The following AFAP1 variants were observed in gnomAD, a reference collection of about 807,000 sequenced individuals.
The protein encoded by AFAP1 is actin filament-associated protein 1.
A neutral mutation model predicts 93.9 loss-of-function variants in AFAP1; 75 were observed. That is an observed-to-expected ratio of 0.80 (90% CI 0.66 to 0.97). AFAP1 has a LOEUF of 0.97. Among genes scored for constraint, AFAP1 ranks in the 50% least tolerant of loss-of-function variants. The pLI is 0.00. For missense variants in AFAP1, 1,201 were observed against 1,050.8 expected (o/e 1.14, Z -1.98); for synonymous variants, 517 against 430.7 (o/e 1.20, Z -2.48).
chr4:7,854,883 C>A (rs138900600), intron 4 of AFAP1, among the ~76,000 whole-genome samples: 1 of 152,166 alleles, frequency 6.6e-6, no homozygotes, highest in African/African-American at 2.4e-5. Context: ...ATGCTTCATC[C>A]GCACTTGAAG....
At chr4:7,838,867 G>C (rs1291139052) in intron 5 of AFAP1, among the ~76,000 whole-genome samples, 164 bp from the exon 6 acceptor site, 2 of 151,160 alleles carry the variant, frequency 1.3e-5, no homozygotes, top group Non-Finnish European at 2.9e-5. Context: ...CATACACACA[G>C]TGCTCTTCAC....
chr4:7,785,785 C>T (rs1458715453), intron 12 of AFAP1, among the ~76,000 whole-genome samples: 2 of 151,962 alleles, frequency 1.3e-5, no homozygotes, highest in African/African-American at 2.4e-5. Context: ...AAAAATAAAA[C>T]AAATGAGTGG....
chr4:7,834,124 C>T (rs1304604907), intron 6 of AFAP1, among the ~76,000 whole-genome samples: 1 of 137,030 alleles, frequency 7.3e-6, no homozygotes, highest in Non-Finnish European at 1.5e-5. Flanking sequence ...CACACACACA[C>T]ACACATATAT....
At chr4:7,910,908 A>G (rs1044953235) in intron 1 of AFAP1, among the ~76,000 whole-genome samples, 1 of 152,182 alleles carries the variant, frequency 6.6e-6, no homozygotes, top group African/African-American at 2.4e-5. Flanking sequence ...TGGGCCCTCC[A>G]TGCCACTCTC....
chr4:7,818,477 CAGA>C (rs1344556047), intron 7 of AFAP1, among the ~76,000 whole-genome samples: 1 of 152,156 alleles, frequency 6.6e-6, no homozygotes. Context: ...AAGCTGCCAA[CAGA>C]AGGTTTCATG....
At chr4:7,798,871 G>C in intron 10 of AFAP1, 1 of 989,496 alleles carries the variant, frequency 1.0e-6, no homozygotes, top group African/African-American at 1.7e-5. Context: ...CACTTGCCCA[G>C]CATCTCCCTC....
At chr4:7,926,927 G>A (rs1253568513) in intron 1 of AFAP1, among the ~76,000 whole-genome samples, 2 of 152,116 alleles carry the variant, frequency 1.3e-5, no homozygotes, top group Non-Finnish European at 2.9e-5. Flanking sequence ...GTAGAGAAGG[G>A]GTTTCAACTT....
intron 1 of AFAP1, among the ~76,000 whole-genome samples, chr4:7,897,335 T>C (rs1314307065): frequency 1.3e-5 from 2 of 152,200 alleles, no homozygotes; most frequent in East Asian, 1.9e-4. Context: ...GTAAGAACTG[T>C]AGGCTCAATT....
rs1577163831 is a variant in AFAP1 at position 7,763,750 on chromosome 4, T to G, written c.*15A>C. The G allele has an allele frequency of 6.4e-7, 1 of 1,551,284 alleles. No homozygotes were observed. The highest frequency in any genetic ancestry group is 8.7e-7 in the Non-Finnish European group (1 of 1,146,902). On this transcript the variant is annotated 3_prime_UTR_variant, in exon 18 of 18. Transcript: ENST00000420658. ...GGGTGTGCAGTCTCTGAGGCTGGAG[T>G]GGTGCTGCTGTCCCCTAGGTCCCGT...
rs114068247 is a variant in AFAP1 at position 7,875,268 on chromosome 4, G to A, written c.-2-3188C>T. ...TACTGAGGCTGCCGTGCACCATCAAGGCTCTCATCATTTTAGGTAAGCGGG... is the reference window on the plus strand; with the variant it reads ...TACTGAGGCTGCCGTGCACCATCAAAGCTCTCATCATTTTAGGTAAGCGGG... On this transcript the variant is annotated intron_variant, in intron 1 of 17. Coordinates refer to ENST00000420658, the MANE Select transcript of AFAP1 (RefSeq NM_001134647.2). Among the ~76,000 whole-genome samples the A allele has an allele frequency of 5.9e-3, 900 of 152,300 alleles. 7 individuals carry two copies. Among genetic ancestry groups the A allele is most frequent in the African/African-American group, 0.019 (787 of 41,556 alleles).
At chr4:7,885,773 T>C (rs7437940) in intron 1 of AFAP1, among the ~76,000 whole-genome samples, 65,153 of 152,128 alleles carry the variant, frequency 0.43, 16,609 homozygotes, top group Non-Finnish European at 0.6. Context: ...TCTTTTGTGA[T>C]AGTCTCAGAA....
chr4:7,782,114 G>T (rs766082082), intron 12 of AFAP1, among the ~76,000 whole-genome samples: 1 of 152,178 alleles, frequency 6.6e-6, no homozygotes, highest in Admixed American at 6.5e-5. Flanking sequence ...CAGAGCACCC[G>T]ATGCTTTACA....
rs373221866 is a variant in AFAP1, at chr4:7,761,354, G to A, written c.*2411C>T. 1 of 152,374 alleles carries A rather than the reference G, an allele frequency of 6.6e-6. No individual in the cohort carries two copies. The highest frequency in any genetic ancestry group is 1.5e-5 in the Non-Finnish European group (1 of 68,038). 9.4% of individuals were successfully genotyped at this position (152,374 alleles called of 1,614,324 possible). A position where few individuals can be genotyped will look rare whatever the true frequency, so the allele number is the denominator to read the frequency against. ...TTGCCTCCGCTTTAAAAGGCTTAGG[G>A]TTGTGGATGTGAATTACAAACCTGG... On this transcript the variant is annotated 3_prime_UTR_variant, in exon 18 of 18. Coordinates refer to ENST00000420658, the MANE Select transcript of AFAP1 (RefSeq NM_001134647.2).
At chr4:7,809,827 C>A (rs1719856711) in intron 8 of AFAP1, 64 bp from the exon 9 acceptor site, 2 of 1,508,054 alleles carry the variant, frequency 1.3e-6, no homozygotes, top group African/African-American at 1.4e-5. Context: ...AAAAAAAAAA[C>A]ATACATCAAA....
rs533899828 is a variant in AFAP1, at chr4:7,885,751, T to G, written c.-2-13671A>C. Among the ~76,000 whole-genome samples the G allele has an allele frequency of 7.2e-5, 11 of 152,378 alleles. 1 individual carries two copies. Among genetic ancestry groups the G allele is most frequent in the Admixed American group, 2.0e-4 (3 of 15,306 alleles). On this transcript the variant is annotated intron_variant, in intron 1 of 17. Transcript: ENST00000420658. ...GATGCCATGGCTTGTCCTCTCATAC[T>G]TAGTAACCATGTCTTTTGTGATAGT...
intron 8 of AFAP1, among the ~76,000 whole-genome samples, chr4:7,810,411 C>G (rs939195136): frequency 6.6e-6 from 1 of 152,206 alleles, no homozygotes; most frequent in African/African-American, 2.4e-5. Flanking sequence ...ACATCACTGA[C>G]GCAAAAGCTG....
chr4:7,887,295 T>C (rs999302164), intron 1 of AFAP1, among the ~76,000 whole-genome samples: 12 of 152,052 alleles, frequency 7.9e-5, no homozygotes, highest in Non-Finnish European at 1.8e-4. Flanking sequence ...CACTGCAAAA[T>C]ATTTGGGTAT....
In AFAP1 at chr4:7,780,966, G is replaced by C. The variant is rs116689470; in HGVS notation, c.1782+410C>G. On this transcript the variant is annotated intron_variant, in intron 13 of 17. Coordinates refer to ENST00000420658, the MANE Select transcript of AFAP1 (RefSeq NM_001134647.2). The stretch of plus-strand genomic sequence containing the variant: ...CTGAATAATCTATTTCATGTTTAAA[G>C]ATCAAAAGCAATGACTACACGGAGT... Among the ~76,000 whole-genome samples the C allele has an allele frequency of 4.1e-3, 629 of 152,270 alleles. 2 individuals carry two copies. The highest frequency in any genetic ancestry group is 0.015 in the African/African-American group (605 of 41,564).
At chr4:7,882,679 C>G (rs372774641) in intron 1 of AFAP1, among the ~76,000 whole-genome samples, 2 of 151,962 alleles carry the variant, frequency 1.3e-5, no homozygotes, top group African/African-American at 4.8e-5. Context: ...GCCAACATGG[C>G]GAAACCCTGT....
Sources: gnomAD v4.1 joint callset for allele counts (sites outside exome capture counted in the v4.1 genomes callset) on GRCh38, gnomAD v4.1.1 for gene constraint, MANE v1.5 for transcripts, NCBI Gene and HGNC (gene_info 2026-07-23, HGNC 2026-07-21) for gene names.